ADARB2: variants seen among roughly 807,000 people sequenced by gnomAD.
ADARB2 encodes the protein inactive double-stranded RNA-specific editase B2.
Under a neutral mutation model 62.2 loss-of-function variants are expected in ADARB2, and 25 were observed. The observed-to-expected ratio is 0.40, with a 90% CI of 0.29 to 0.56. The LOEUF (loss-of-function observed/expected upper bound fraction) is 0.56, where lower values mean the gene tolerates loss of function less well. ADARB2 is among the 20% of genes least tolerant of loss of function. The pLI is 0.43. For synonymous variants in ADARB2, 572 were observed against 500.8 expected, an observed-to-expected ratio of 1.14 and a Z score of -1.90; for missense variants, 1,071 against 1,077.4, an observed-to-expected ratio of 0.99 and a Z score of 0.08.
At chr10:1,463,244 C>T (rs183487667) in intron 1 of ADARB2, among the ~76,000 whole-genome samples, 6 of 152,264 alleles carry the variant, frequency 3.9e-5, no homozygotes, top group Admixed American at 3.3e-4. Flanking sequence ...GCAGTGTTTC[C>T]TCTCTGGGGC....
chr10:1,375,730 CA>C, intron 2 of ADARB2, among the ~76,000 whole-genome samples: 2 of 152,222 alleles, frequency 1.3e-5, no homozygotes, highest in Non-Finnish European at 2.9e-5. Flanking sequence ...TGCGTGCACA[CA>C]TGTGCACAGA....
At chr10:1,379,496 C>T (rs905060263) in intron 1 of ADARB2, among the ~76,000 whole-genome samples, 21 of 152,210 alleles carry the variant, frequency 1.4e-4, no homozygotes, top group African/African-American at 4.6e-4. Context: ...AGCCTTCTGT[C>T]GAGATCATTT....
intron 1 of ADARB2, among the ~76,000 whole-genome samples, chr10:1,727,657 T>A (rs1036119547): frequency 3.3e-5 from 5 of 152,202 alleles, no homozygotes; most frequent in Non-Finnish European, 7.3e-5. Flanking sequence ...ACAATAGAAA[T>A]CTATTTTTGT....
intron 1 of ADARB2, among the ~76,000 whole-genome samples, chr10:1,552,774 G>A (rs1832645456): frequency 6.6e-6 from 1 of 152,102 alleles, no homozygotes; most frequent in African/African-American, 2.4e-5. Flanking sequence ...CCTGGAGTCA[G>A]AGAGCACCTT....
chr10:1,673,866 G>A lies in ADARB2; in HGVS notation c.100+63185C>T, dbSNP rs950717335. Among the ~76,000 whole-genome samples, 6 of 152,220 alleles carry A rather than the reference G, an allele frequency of 3.9e-5. No individual in the cohort carries two copies. In the East Asian group the frequency reaches 5.8e-4, roughly 15 times the overall value. ...CACTTCCGGGATGGGATCCTAGGCC[G>A]GTTACCGACTTCTCCCTGCCTTCAT... On this transcript the variant is annotated intron_variant, in intron 1 of 9. Coordinates refer to ENST00000381312, the MANE Select transcript of ADARB2 (RefSeq NM_018702.4).
chr10:1,586,660 C>T (rs1346978775), intron 1 of ADARB2, among the ~76,000 whole-genome samples: 2 of 152,064 alleles, frequency 1.3e-5, no homozygotes, highest in Non-Finnish European at 2.9e-5. Flanking sequence ...TTGCTTTGCC[C>T]AGAAAACAAG....
At position 1,650,783 on chromosome 10, in the gene ADARB2, G is replaced by A. The variant is rs759594885; in HGVS notation, c.100+86268C>T. Reference sequence around the variant, plus strand: ...TTAATGACACTTGAGGAAGATGTGCGTGCCTGGAGCTTCTCAGCAGTGGGA... The same window carrying A: ...TTAATGACACTTGAGGAAGATGTGCATGCCTGGAGCTTCTCAGCAGTGGGA... On this transcript the variant is annotated intron_variant, in intron 1 of 9. Coordinates refer to ENST00000381312, the MANE Select transcript of ADARB2 (RefSeq NM_018702.4). Among the ~76,000 whole-genome samples, 119 of 152,278 alleles carry A rather than the reference G, an allele frequency of 7.8e-4. 2 individuals are homozygous for A. The highest frequency in any genetic ancestry group is 1.2e-3 in the Admixed American group (19 of 15,300).
chr10:1,485,839 A>C (rs1831534541), intron 1 of ADARB2, among the ~76,000 whole-genome samples: 1 of 152,230 alleles, frequency 6.6e-6, no homozygotes, highest in South Asian at 2.1e-4. Context: ...TCAGACTTGC[A>C]ATGTGATTGT....
intron 1 of ADARB2, among the ~76,000 whole-genome samples, chr10:1,498,405 A>AATAAATAAATAC (rs1831719782): frequency 6.6e-6 from 1 of 151,656 alleles, no homozygotes; most frequent in Non-Finnish European, 1.5e-5. Flanking sequence ...TAAATAAATA[A>AATAAATAAATAC]ATAAGTAATT....
chr10:1,526,060 G>C (rs928164587), intron 1 of ADARB2, among the ~76,000 whole-genome samples: 1 of 152,202 alleles, frequency 6.6e-6, no homozygotes, highest in Non-Finnish European at 1.5e-5. Flanking sequence ...TTGAGGGGCT[G>C]TTGCTCAGGA....
At chr10:1,483,489 A>G (rs1831502124) in intron 1 of ADARB2, among the ~76,000 whole-genome samples, 1 of 152,202 alleles carries the variant, frequency 6.6e-6, no homozygotes, top group Non-Finnish European at 1.5e-5. Context: ...GGAAAACAAT[A>G]CTTAGCTCCC....
At chr10:1,318,607 C>T (rs1018484802) in intron 3 of ADARB2, among the ~76,000 whole-genome samples, 7 of 39,212 alleles carry the variant, frequency 1.8e-4, no homozygotes, top group African/African-American at 5.3e-4. Context: ...CTGCTGTCCT[C>T]GTGTACAAGT....
chr10:1,711,100 G>A (rs139876031), intron 1 of ADARB2, among the ~76,000 whole-genome samples: 51 of 152,272 alleles, frequency 3.3e-4, no homozygotes, highest in Non-Finnish European at 6.5e-4. Context: ...GGCTCACAAT[G>A]GCCAGGGACA....
At chr10:1,617,172 G>C (rs113582899) in intron 1 of ADARB2, among the ~76,000 whole-genome samples, 8 of 135,526 alleles carry the variant, frequency 5.9e-5, no homozygotes, top group Admixed American at 1.5e-4. Context: ...TGGCCTCAGA[G>C]GGCTGCATTC....
intron 1 of ADARB2, among the ~76,000 whole-genome samples, chr10:1,464,731 A>G: frequency 8.8e-6 from 1 of 113,710 alleles, no homozygotes; most frequent in Admixed American, 9.1e-5. Flanking sequence ...GTGGACACAC[A>G]CTCCCCCACA....
intron 1 of ADARB2, among the ~76,000 whole-genome samples, chr10:1,494,826 G>A (rs1208231818): frequency 2.6e-5 from 4 of 152,108 alleles, no homozygotes; most frequent in Admixed American, 2.6e-4. Context: ...CTCCACAAAT[G>A]TATAATCTAG....
At position 1,363,976 on chromosome 10, in the gene ADARB2, C is replaced by T. The variant is rs577207465; in HGVS notation, c.188-59G>A. ...GCGGGCGCCGGCAGGTCGATGGGCA[C>T]AGCAGGCACTCCCTGAGGGTCCCCG... is the stretch of plus-strand genomic sequence containing the variant. On this transcript the variant is annotated intron_variant, in intron 2 of 9. Transcript: ENST00000381312. The T allele has an allele frequency of 8.4e-5, 119 of 1,411,818 alleles. No homozygotes were observed. The African/African-American group carries it at 1.7e-3, about 20-fold the overall frequency. 87.5% of individuals were successfully genotyped at this position (1,411,818 alleles called of 1,614,324 possible).
intron 3 of ADARB2, among the ~76,000 whole-genome samples, chr10:1,296,042 C>T (rs1831520004): frequency 6.6e-6 from 1 of 152,200 alleles, no homozygotes; most frequent in Non-Finnish European, 1.5e-5. Context: ...GTCAGGCCCG[C>T]TCCATGTGCA....
At chr10:1,372,435 G>A (rs1167990220) in intron 2 of ADARB2, among the ~76,000 whole-genome samples, 2 of 151,536 alleles carry the variant, frequency 1.3e-5, no homozygotes, top group East Asian at 1.9e-4. Flanking sequence ...GGACAAACAC[G>A]CACATGTATC....
Sources: gnomAD v4.1 joint callset for allele counts (sites outside exome capture counted in the v4.1 genomes callset) on GRCh38, gnomAD v4.1.1 for gene constraint, MANE v1.5 for transcripts, NCBI Gene and HGNC (gene_info 2026-07-23, HGNC 2026-07-21) for gene names.